The following IFT25 variants were observed in gnomAD, a reference collection of about 807,000 sequenced individuals.
IFT25 encodes the protein intraflagellar transport 25, also known as intraflagellar transport protein 25 homolog.
At chr1:53,940,802 A>C in the IFT25 span, among the ~76,000 whole-genome samples, 1 of 151,704 alleles carries the variant, frequency 6.6e-6, no homozygotes, top group Admixed American at 6.6e-5. Context: ...CCTGAACTCC[A>C]GGGCTCAAGT....
At chr1:53,926,810 C>A in the IFT25 span, among the ~76,000 whole-genome samples, 1 of 151,972 alleles carries the variant, frequency 6.6e-6, no homozygotes, top group African/African-American at 2.4e-5. Context: ...GCAGTCTCAA[C>A]CTCCTGGGCT....
the IFT25 span, among the ~76,000 whole-genome samples, chr1:53,933,006 T>C: frequency 6.6e-6 from 1 of 152,252 alleles, no homozygotes; most frequent in African/African-American, 2.4e-5. Context: ...GAAAAGGGTA[T>C]TAAAATCTCT....
the IFT25 span, among the ~76,000 whole-genome samples, chr1:53,935,575 T>C: frequency 1.3e-5 from 2 of 152,170 alleles, no homozygotes; most frequent in East Asian, 3.9e-4. Context: ...TTGTATGGTA[T>C]GTGAATAATA....
chr1:53,944,437 C>A, the IFT25 span, among the ~76,000 whole-genome samples: 2 of 152,002 alleles, frequency 1.3e-5, no homozygotes, highest in African/African-American at 2.4e-5. Context: ...TTGAGGCCAG[C>A]GGTTCAAGAC....
chr1:53,926,208 C>A, the IFT25 span, among the ~76,000 whole-genome samples: 13 of 152,072 alleles, frequency 8.5e-5, no homozygotes, highest in Admixed American at 2.6e-4. Context: ...TGTACTGGCA[C>A]AATCTCAGCT....
At chr1:53,937,261 T>C in the IFT25 span, among the ~76,000 whole-genome samples, 11 of 152,070 alleles carry the variant, frequency 7.2e-5, no homozygotes, top group East Asian at 2.1e-3. Flanking sequence ...GGACTATAGG[T>C]GCACGCCACC....
At chr1:53,934,403 A>G in the IFT25 span, among the ~76,000 whole-genome samples, 2 of 152,214 alleles carry the variant, frequency 1.3e-5, no homozygotes, top group Non-Finnish European at 2.9e-5. Flanking sequence ...TCCTCTGTAT[A>G]TAATAGTTTT....
the IFT25 span, among the ~76,000 whole-genome samples, chr1:53,913,617 C>T: frequency 6.6e-6 from 1 of 152,098 alleles, no homozygotes; most frequent in African/African-American, 2.4e-5. Context: ...AGTTACACTC[C>T]CTTTACTTTG....
the IFT25 span, chr1:53,928,535 G>A: frequency 1.2e-6 from 1 of 849,222 alleles, no homozygotes; most frequent in Non-Finnish European, 2.0e-6. Context: ...ATCATGCACA[G>A]TGGAACTACA....
chr1:53,923,811 G>T, the IFT25 span: 1 of 805,348 alleles, frequency 1.2e-6, no homozygotes, highest in Non-Finnish European at 2.2e-6. Flanking sequence ...ATAATATCAT[G>T]AGGAAATTTA....
the IFT25 span, among the ~76,000 whole-genome samples, chr1:53,922,623 A>T: frequency 6.6e-6 from 1 of 152,170 alleles, no homozygotes; most frequent in South Asian, 2.1e-4. Context: ...AGTAAGAAAA[A>T]AGGTGAAGGT....
At chr1:53,934,747 C>T in the IFT25 span, among the ~76,000 whole-genome samples, 1 of 152,184 alleles carries the variant, frequency 6.6e-6, no homozygotes, top group Non-Finnish European at 1.5e-5. Context: ...GCCTGTAATC[C>T]AAGCACTCTG....
At chr1:53,925,032 G>A in the IFT25 span, among the ~76,000 whole-genome samples, 1 of 152,056 alleles carries the variant, frequency 6.6e-6, no homozygotes, top group African/African-American at 2.4e-5. Context: ...CTGCTTCCTA[G>A]AAGTAAACAT....
chr1:53,923,844 G>A, the IFT25 span: 6 of 1,007,116 alleles, frequency 6.0e-6, no homozygotes, highest in Admixed American at 1.7e-5. Flanking sequence ...ATGGAGATAG[G>A]TTAAAGTCTA....
the IFT25 span, chr1:53,921,654 T>C: frequency 2.1e-5 from 33 of 1,567,222 alleles, no homozygotes; most frequent in African/African-American, 4.1e-4. Context: ...GTTATCATTA[T>C]GAGGAAAGAT....
chr1:53,920,409 T>TC, the IFT25 span, among the ~76,000 whole-genome samples: 14 of 150,584 alleles, frequency 9.3e-5, no homozygotes, highest in African/African-American at 3.2e-4. Flanking sequence ...TTTTTTTTTT[T>TC]CTAATAAGAG....
At chr1:53,920,028 A>G in the IFT25 span, among the ~76,000 whole-genome samples, 4 of 152,046 alleles carry the variant, frequency 2.6e-5, no homozygotes, top group East Asian at 7.7e-4. Context: ...CGAACTTCTG[A>G]GCTTAAGCCA....
the IFT25 span, among the ~76,000 whole-genome samples, chr1:53,940,819 C>T: frequency 1.3e-5 from 2 of 152,040 alleles, no homozygotes; most frequent in Non-Finnish European, 2.9e-5. Context: ...AAGTGATCCT[C>T]CCACCTTAGC....
chr1:53,944,165 T>C, the IFT25 span, among the ~76,000 whole-genome samples: 1 of 152,198 alleles, frequency 6.6e-6, no homozygotes, highest in Non-Finnish European at 1.5e-5. Flanking sequence ...TGGTTTTCTT[T>C]AAGGTTCTTT....
Sources: allele counts gnomAD v4.1 joint callset (sites outside exome capture counted in the v4.1 genomes callset), GRCh38; gene constraint gnomAD v4.1.1; transcripts MANE v1.5; gene names NCBI Gene and HGNC (gene_info 2026-07-23, HGNC 2026-07-21).